Variants in PPARD observed in about 807,000 individuals in gnomAD.
The protein encoded by PPARD is peroxisome proliferator-activated receptor delta.
A neutral mutation model predicts 39.5 loss-of-function variants in PPARD; 6 were observed. The observed-to-expected ratio is 0.15, with a 90% CI of 0.08 to 0.30. The LOEUF (loss-of-function observed/expected upper bound fraction) is 0.30. Among genes scored for constraint, PPARD ranks in the 10% least tolerant of loss-of-function variants. The probability of loss-of-function intolerance (pLI) is 1.00; values close to 1 mark genes in which losing one functional copy is unlikely to be tolerated. For missense variants in PPARD, 397 were observed against 596.8 expected (o/e 0.67, Z 3.49); for synonymous variants, 210 against 231.3 (o/e 0.91, Z 0.83).
chr6:35,349,772 G>A (rs372606492), intron 2 of PPARD, among the ~76,000 whole-genome samples: 1 of 150,452 alleles, frequency 6.6e-6, no homozygotes, highest in East Asian at 1.9e-4. Flanking sequence ...ATGGAATCTT[G>A]CTCTTGTCAC....
At chr6:35,383,987 G>A (rs1256394020) in intron 2 of PPARD, among the ~76,000 whole-genome samples, 3 of 142,238 alleles carry the variant, frequency 2.1e-5, no homozygotes, top group Non-Finnish European at 4.5e-5. Flanking sequence ...CGGGAGGGAG[G>A]TGGGGGGGTC....
At chr6:35,351,104 C>G (rs1178753117) in intron 2 of PPARD, among the ~76,000 whole-genome samples, 1 of 151,474 alleles carries the variant, frequency 6.6e-6, no homozygotes, top group Non-Finnish European at 1.5e-5. Flanking sequence ...CGGCTTACTG[C>G]AAGCCCCGCC....
rs1762221177 is a variant in PPARD, at chr6:35,366,638, C to T, written c.-102+19488C>T. ...GATCTCGGCTCACTGCAACCTCTGC[C>T]TCCCGGGTTCAAGCAATTCTAGTGC... On this transcript the variant is annotated intron_variant, in intron 2 of 7. Transcript: ENST00000360694. This position sits in a 1 kb window ranked among gnomAD's most constrained non-coding sequence, Gnocchi z 4.6. Among the ~76,000 whole-genome samples, 1 of 151,882 alleles carries T rather than the reference C, an allele frequency of 6.6e-6. No individual in the cohort carries two copies. Among genetic ancestry groups the T allele is most frequent in the African/African-American group, 2.4e-5 (1 of 41,254 alleles).
At chr6:35,377,734 G>C (rs1032876180) in intron 2 of PPARD, among the ~76,000 whole-genome samples, 2 of 152,090 alleles carry the variant, frequency 1.3e-5, no homozygotes, top group Non-Finnish European at 2.9e-5. Context: ...CAATTGCACT[G>C]TTTATTCCTT....
At chr6:35,418,306 C>T (rs1455631796) in intron 3 of PPARD, among the ~76,000 whole-genome samples, 2 of 149,702 alleles carry the variant, frequency 1.3e-5, no homozygotes, top group East Asian at 3.9e-4. Context: ...TTTCTTCCAA[C>T]ATCCGGTGCT....
At chr6:35,397,132 T>A (rs1581622732) in intron 2 of PPARD, among the ~76,000 whole-genome samples, 1 of 152,034 alleles carries the variant, frequency 6.6e-6, no homozygotes, top group African/African-American at 2.4e-5. Context: ...TCTTTCGCCC[T>A]GAAAATATAA....
intron 2 of PPARD, among the ~76,000 whole-genome samples, chr6:35,353,598 A>G (rs1007393953): frequency 6.6e-6 from 1 of 152,210 alleles, no homozygotes; most frequent in Non-Finnish European, 1.5e-5. Flanking sequence ...ACCACTAACC[A>G]TGTTTCAAAT....
intron 4 of PPARD, 144 bp downstream of exon 4, chr6:35,420,425 G>A (rs1766071347): frequency 8.5e-7 from 1 of 1,181,538 alleles, no homozygotes; most frequent in African/African-American, 1.6e-5. Context: ...CCAGGCCCTT[G>A]TGCTCCAGAC....
At chr6:35,352,666 G>A (rs184533944) in intron 2 of PPARD, among the ~76,000 whole-genome samples, 3 of 152,236 alleles carry the variant, frequency 2.0e-5, no homozygotes, top group East Asian at 1.9e-4. Flanking sequence ...AAATGAAGAC[G>A]GGGCAGGTGT....
chr6:35,386,583 G>C (rs1355318168), intron 2 of PPARD, among the ~76,000 whole-genome samples: 3 of 152,058 alleles, frequency 2.0e-5, no homozygotes, highest in African/African-American at 4.8e-5. Flanking sequence ...ACTTCAAGGA[G>C]ACTAACTTCA....
chr6:35,421,940 C>G lies in PPARD; in HGVS notation c.406C>G (p.Leu136Val). 1 of 1,612,608 alleles carries G rather than the reference C, an allele frequency of 6.2e-7. No homozygotes were observed. Among genetic ancestry groups the G allele is most frequent in the Non-Finnish European group, 8.5e-7 (1 of 1,179,182 alleles). The change falls in exon 5 of 8, where the codon CTG (leucine) becomes GTG (valine). Residue 136 changes from leucine (L) to valine (V), a missense_variant. Leu to Val is a conservative substitution (Grantham distance 32, BLOSUM62 1). Coordinates refer to ENST00000360694, the MANE Select transcript of PPARD (RefSeq NM_006238.5). ...QYCRFQKCLA[L>V]GMSHNAIRFG... ...CTGCCGCTTCCAGAAGTGCCTGGCA[C>G]TGGGCATGTCACACAACGGTGAGAG...
chr6:35,420,489 G>A (rs537102439), intron 4 of PPARD, among the ~76,000 whole-genome samples: 1 of 152,312 alleles, frequency 6.6e-6, no homozygotes, highest in African/African-American at 2.4e-5. Context: ...AGCCTACCCT[G>A]CTGGGCACCT....
chr6:35,405,757 G>A (rs559111037), intron 2 of PPARD, among the ~76,000 whole-genome samples: 13 of 151,360 alleles, frequency 8.6e-5, no homozygotes, highest in Admixed American at 3.3e-4. Flanking sequence ...AGCCACCCAC[G>A]TAGCTGGGAT....
intron 2 of PPARD, among the ~76,000 whole-genome samples, chr6:35,370,706 ACAG>A (rs1230107905): frequency 1.3e-5 from 2 of 152,230 alleles, no homozygotes; most frequent in Non-Finnish European, 2.9e-5. Context: ...TTCCCAGGTC[ACAG>A]CAGCAGCCTC....
At chr6:35,379,565 G>A (rs530332800) in intron 2 of PPARD, among the ~76,000 whole-genome samples, 1 of 152,344 alleles carries the variant, frequency 6.6e-6, no homozygotes, top group African/African-American at 2.4e-5. Context: ...TCTTAGAGAG[G>A]AGAGCTTGCA....
intron 2 of PPARD, among the ~76,000 whole-genome samples, chr6:35,389,004 G>T (rs1763844792): frequency 6.6e-6 from 1 of 152,116 alleles, no homozygotes; most frequent in African/African-American, 2.4e-5. Flanking sequence ...CTAGCTGATG[G>T]TGATAGAGGT....
Position 35,424,167 on chromosome 6 carries a change from TG to T in PPARD, c.627+21del. On this transcript the variant is annotated intron_variant, in intron 6 of 7. Coordinates refer to ENST00000360694, the MANE Select transcript of PPARD (RefSeq NM_006238.5). The surrounding 1 kb of genome is among the most constrained non-coding windows in gnomAD (Gnocchi z 7.1). ...CACGGCGGTGAGTGTTGCTGCTGCTTGGCCTGGCAGCATCCTGGGCTCTGGG... is the reference window on the plus strand; with the variant it reads ...CACGGCGGTGAGTGTTGCTGCTGCTTGCCTGGCAGCATCCTGGGCTCTGGG... 1 of 1,610,816 alleles carries T rather than the reference TG, an allele frequency of 6.2e-7. No individual in the cohort carries two copies. Among genetic ancestry groups the T allele is most frequent in the African/African-American group, 1.3e-5 (1 of 75,038 alleles).
At chr6:35,375,072 G>T (rs748504349) in intron 2 of PPARD, among the ~76,000 whole-genome samples, 2 of 152,066 alleles carry the variant, frequency 1.3e-5, no homozygotes, top group Non-Finnish European at 2.9e-5. Context: ...ACAGAATGTG[G>T]CTGGATTTAA....
At chr6:35,348,803 A>AG (rs1562164899) in intron 2 of PPARD, 1 of 985,402 alleles carries the variant, frequency 1.0e-6, no homozygotes, top group Non-Finnish European at 1.2e-6. Context: ...GGGAGGAAGA[A>AG]GGGGGGAGTT....
Sources: gnomAD v4.1 joint callset for allele counts (sites outside exome capture counted in the v4.1 genomes callset) on GRCh38, gnomAD v4.1.1 for gene constraint, Gnocchi (gnomAD v3.1) non-coding constraint, MANE v1.5 for transcripts, NCBI Gene and HGNC (gene_info 2026-07-23, HGNC 2026-07-21) for gene names.